The following PRKG1 variants were observed in gnomAD, a reference collection of about 807,000 sequenced individuals.
PRKG1 encodes protein kinase cGMP-dependent 1.
PRKG1 carries 35 observed loss-of-function variants against 88.1 expected under a neutral mutation model. That is an observed-to-expected ratio of 0.40 (90% CI 0.30 to 0.53). PRKG1 has a LOEUF of 0.53. Ranked by LOEUF, PRKG1 falls within the 20% of genes least tolerant of loss-of-function variation. PRKG1 has a pLI of 0.59. For synonymous variants in PRKG1, 303 were observed against 292.5 expected, an observed-to-expected ratio of 1.04 and a Z score of -0.37; for missense variants, 540 against 839.8, an observed-to-expected ratio of 0.64 and a Z score of 4.41.
chr10:51,106,801 C>G (rs1378841046), intron 1 of PRKG1, among the ~76,000 whole-genome samples: 2 of 152,202 alleles, frequency 1.3e-5, no homozygotes, highest in East Asian at 3.9e-4. Context: ...AGATAAATTT[C>G]ATAGTGCCTG....
At chr10:51,138,645 G>A (rs971370583) in intron 1 of PRKG1, among the ~76,000 whole-genome samples, 2 of 147,116 alleles carry the variant, frequency 1.4e-5, no homozygotes, top group African/African-American at 4.9e-5. Context: ...TAAATGAGGA[G>A]GAATCCAGTC....
At chr10:51,297,783 A>C (rs1840758977) in intron 2 of PRKG1, among the ~76,000 whole-genome samples, 1 of 152,112 alleles carries the variant, frequency 6.6e-6, no homozygotes, top group Non-Finnish European at 1.5e-5. Context: ...GATATCTTAC[A>C]TGTAATAGGT....
intron 5 of PRKG1, among the ~76,000 whole-genome samples, chr10:52,037,759 A>G (rs1245337189): frequency 6.6e-6 from 1 of 152,172 alleles, no homozygotes; most frequent in African/African-American, 2.4e-5. Flanking sequence ...AAAAGATTAT[A>G]GGGTGGAGGA....
chr10:51,199,598 A>G (rs1019191132), intron 2 of PRKG1, among the ~76,000 whole-genome samples: 9 of 152,180 alleles, frequency 5.9e-5, no homozygotes, highest in Non-Finnish European at 5.9e-5. Context: ...GGCCATCAGA[A>G]AGTGGGATTC....
At position 52,040,041 on chromosome 10, in the gene PRKG1, T is replaced by G. The variant is rs1409481459; in HGVS notation, c.763-14443T>G. ...GTGTGAGGAGCCCTTTTCTCCCTCA[T>G]GTAATTTAATTCTCTCTTTCCATTC... On this transcript the variant is annotated intron_variant, in intron 5 of 17. Transcript: ENST00000373980. Among the ~76,000 whole-genome samples, 4 of 152,190 alleles carry G rather than the reference T, an allele frequency of 2.6e-5. No homozygotes were observed. In the East Asian group the frequency reaches 7.7e-4, roughly 29 times the overall value.
chr10:51,968,463 T>C (rs1434781989), intron 5 of PRKG1, among the ~76,000 whole-genome samples: 2 of 152,028 alleles, frequency 1.3e-5, no homozygotes, highest in African/African-American at 4.8e-5. Flanking sequence ...GACCCTAAAT[T>C]ACTCATACAT....
intron 1 of PRKG1, among the ~76,000 whole-genome samples, chr10:51,019,001 G>A (rs527842864): frequency 6.6e-6 from 1 of 152,272 alleles, no homozygotes; most frequent in South Asian, 2.1e-4. Flanking sequence ...TGTTACAAAA[G>A]GGATCTTTGC....
At chr10:52,173,873 A>C (rs1470359799) in intron 9 of PRKG1, among the ~76,000 whole-genome samples, 1 of 152,152 alleles carries the variant, frequency 6.6e-6, no homozygotes, top group African/African-American at 2.4e-5. Context: ...TAAAATGATG[A>C]ATTTAAGACC....
Position 51,006,875 on chromosome 10 carries a change from T to A in PRKG1, c.266+15231T>A, listed in dbSNP as rs148300521. On this transcript the variant is annotated intron_variant, in intron 1 of 17. Coordinates refer to the PRKG1 transcript ENST00000401604. ...TCTCAAACTCTAGTTTACATATGAA[T>A]CATCTGGGGAATCTCCTTCAATGCA... Among the ~76,000 whole-genome samples, 901 of 151,816 alleles carry A rather than the reference T, an allele frequency of 5.9e-3. 11 individuals carry two copies. The highest frequency in any genetic ancestry group is 0.021 in the African/African-American group (869 of 41,370).
At chr10:51,417,786 G>T (rs2132700774) in intron 2 of PRKG1, among the ~76,000 whole-genome samples, 1 of 152,198 alleles carries the variant, frequency 6.6e-6, no homozygotes, top group African/African-American at 2.4e-5. Flanking sequence ...TCCTCATCGT[G>T]ATCATGAAAA....
At chr10:52,002,965 T>A (rs1844637658) in intron 5 of PRKG1, among the ~76,000 whole-genome samples, 1 of 152,172 alleles carries the variant, frequency 6.6e-6, no homozygotes, top group South Asian at 2.1e-4. Flanking sequence ...AGGTTGTGGT[T>A]TTAGTGCATA....
At chr10:51,821,441 G>C (rs1030109248) in intron 4 of PRKG1, among the ~76,000 whole-genome samples, 1 of 152,006 alleles carries the variant, frequency 6.6e-6, no homozygotes, top group African/African-American at 2.4e-5. Context: ...TTGCACAGTG[G>C]TTGAACTAAT....
intron 3 of PRKG1, among the ~76,000 whole-genome samples, chr10:51,621,023 A>G (rs1273243244): frequency 6.8e-6 from 1 of 146,520 alleles, no homozygotes; most frequent in Non-Finnish European, 1.5e-5. Flanking sequence ...ATATATATAT[A>G]TATATATATG....
At chr10:51,077,286 C>T (rs1260873952) in intron 1 of PRKG1, among the ~76,000 whole-genome samples, 1 of 152,168 alleles carries the variant, frequency 6.6e-6, no homozygotes, top group Non-Finnish European at 1.5e-5. Context: ...TTCATCTTTA[C>T]TACATCTTAA....
chr10:51,755,682 T>G (rs1353078675), intron 3 of PRKG1, among the ~76,000 whole-genome samples: 7 of 152,254 alleles, frequency 4.6e-5, no homozygotes, highest in Admixed American at 2.0e-4. Context: ...TATTCAATTA[T>G]TTATTTAACC....
At chr10:52,106,729 T>TAAC (rs1261708349) in intron 7 of PRKG1, among the ~76,000 whole-genome samples, 1 of 147,932 alleles carries the variant, frequency 6.8e-6, no homozygotes, top group Admixed American at 6.8e-5. Flanking sequence ...ATAATAATAA[T>TAAC]AATAATAATA....
chr10:51,925,410 A>G (rs1292089471), intron 5 of PRKG1, among the ~76,000 whole-genome samples: 1 of 152,060 alleles, frequency 6.6e-6, no homozygotes, highest in Non-Finnish European at 1.5e-5. Context: ...TGTAGTGATA[A>G]AGTGTCAAGG....
intron 2 of PRKG1, among the ~76,000 whole-genome samples, chr10:51,237,010 A>G (rs1839012873): frequency 6.6e-6 from 1 of 152,122 alleles, no homozygotes; most frequent in African/African-American, 2.4e-5. Context: ...TTTGCTCAGG[A>G]CTGTTCTGGT....
intron 3 of PRKG1, among the ~76,000 whole-genome samples, chr10:51,583,916 A>C (rs1252206338): frequency 6.6e-6 from 1 of 152,042 alleles, no homozygotes; most frequent in African/African-American, 2.4e-5. Flanking sequence ...TTGAATTGTG[A>C]ATCAATTCTG....
Sources: gnomAD v4.1 joint callset for allele counts (sites outside exome capture counted in the v4.1 genomes callset) on GRCh38, gnomAD v4.1.1 for gene constraint, MANE v1.5 for transcripts, NCBI Gene and HGNC (gene_info 2026-07-23, HGNC 2026-07-21) for gene names.